Variants in CTU2 observed in about 807,000 individuals in gnomAD.
CTU2 encodes cytoplasmic tRNA 2-thiolation protein 2.
In CTU2, 80 loss-of-function variants were observed where a neutral mutation model predicts 64.1. That is an observed-to-expected ratio of 1.25 (90% confidence interval 1.04 to 1.50). The LOEUF (loss-of-function observed/expected upper bound fraction) is 1.50. Among genes scored for constraint, CTU2 ranks in the 40% most tolerant of loss-of-function variants. The pLI is 0.00. For synonymous variants in CTU2, 482 were observed against 285.3 expected, an observed-to-expected ratio of 1.69 and a Z score of -6.95; for missense variants, 1,110 against 690.2, an observed-to-expected ratio of 1.61 and a Z score of -6.81.
rs978343832 is a variant in CTU2, at chr16:88,710,110, G to A, written c.222+94G>A. The A allele has an allele frequency of 6.4e-6, 10 of 1,571,852 alleles. No individual in the cohort carries two copies. In the East Asian group the frequency reaches 1.3e-4, roughly 21 times the overall value. On this transcript the variant is annotated intron_variant, in intron 3 of 14. Transcript: ENST00000453996. ...CAGGCAGCCTGGCCTGCTGCAGCCC[G>A]CCAGCTCCTCCTTGGCCTTTGAGGA...
At position 88,713,751 on chromosome 16, in the gene CTU2, T is replaced by A. The variant is rs144354219; in HGVS notation, c.978T>A (p.Ser326=). ...AFYNRLFSVP[S]VFTPAVDTKA... is the part of the protein sequence containing the mutation. The stretch of plus-strand genomic sequence containing the variant: ...ACAACCGCCTGTTCTCCGTTCCTTC[T>A]GTCTTCACACCAGCCGTCGACACCA... The change falls in exon 9 of 15, where the codon TCT becomes TCA. Residue 326 remains serine, a synonymous_variant. Transcript: ENST00000453996. 83 of 1,612,696 alleles carry A rather than the reference T, an allele frequency of 5.1e-5. No homozygotes were observed. The African/African-American group carries it at 1.0e-3, about 19-fold the overall frequency.
At chr16:88,712,456 C>A in intron 6 of CTU2, 73 bp downstream of exon 6, 1 of 1,457,136 alleles carries the variant, frequency 6.9e-7, no homozygotes, top group Non-Finnish European at 9.3e-7. Flanking sequence ...CCCAGCCTCA[C>A]TGGCCTCTCC....
Position 88,715,347 on chromosome 16 carries a change from C to A in CTU2, c.*96C>A. On this transcript the variant is annotated 3_prime_UTR_variant, in exon 15 of 15. Coordinates refer to ENST00000453996, the MANE Select transcript of CTU2 (RefSeq NM_001012759.3). ...GGACGGGGGACTGGCCTCTGATTGTCCATTTGTATAAATAAAACATTTTTT... is the reference window on the plus strand; with the variant it reads ...GGACGGGGGACTGGCCTCTGATTGTACATTTGTATAAATAAAACATTTTTT... 1 of 1,289,626 alleles carries A rather than the reference C, an allele frequency of 7.8e-7. No individual in the cohort carries two copies. Among genetic ancestry groups the A allele is most frequent in the South Asian group, 1.3e-5 (1 of 74,826 alleles). The allele number at this position is 1,289,626 out of a possible 1,614,324, so 79.9% of individuals were successfully genotyped here. A position where few individuals can be genotyped will look rare whatever the true frequency, so the allele number is the denominator to read the frequency against.
chr16:88,711,196 G>A (rs1911291922), intron 4 of CTU2, among the ~76,000 whole-genome samples: 1 of 152,194 alleles, frequency 6.6e-6, no homozygotes, highest in South Asian at 2.1e-4. Flanking sequence ...AACTGGCCCA[G>A]CCCTCTGTGT....
rs550331299 is a variant in CTU2, at chr16:88,715,217, T to C, written c.1514T>C (p.Ile505Thr). Residue 505 changes from isoleucine to threonine, a missense_variant, in exon 15 of 15, where the codon ATT (isoleucine) becomes ACT (threonine). Physicochemically the swap from Ile to Thr is moderately conservative, Grantham distance 89 (BLOSUM62 -1). Transcript: ENST00000453996. ...WGLQEIRDCL[I>T]EDSDDEAGQS ...TTGCAGGAGATCCGGGACTGTCTGA[T>C]TGAGGACAGTGACGACGAGGCGGGC... is the stretch of plus-strand genomic sequence containing the variant. The C allele has an allele frequency of 2.6e-5, 42 of 1,612,328 alleles. No homozygotes were observed. The highest frequency in any genetic ancestry group is 3.0e-5 in the Non-Finnish European group (35 of 1,179,880).
At position 88,712,740 on chromosome 16, in the gene CTU2, G is replaced by A. The variant is rs745588126; in HGVS notation, c.572G>A (p.Gly191Glu). 6.2e-7 allele frequency: 1 copy of A among 1,609,186 alleles called. No homozygotes were observed. The highest frequency in any genetic ancestry group is 8.5e-7 in the Non-Finnish European group (1 of 1,178,736). Residue 191 changes from glycine (G) to glutamate (E), a missense_variant, in exon 7 of 15, where the codon GGG becomes GAG. Physicochemically the swap from Gly to Glu is moderately conservative, Grantham distance 98. Transcript: ENST00000453996. ...FLQQQHVLGA[G>E]GGPGPTQGEE... is the part of the protein sequence containing the mutation. ...CAGCAGCAGCATGTGCTGGGGGCCG[G>A]GGGTGGTCCTGGCCCGACTCAAGGG...
At position 88,715,388 on chromosome 16, in the gene CTU2, T is replaced by A; in HGVS notation, c.*137T>A. The A allele has an allele frequency of 9.5e-7, 1 of 1,048,826 alleles. No individual in the cohort carries two copies. Among genetic ancestry groups the A allele is most frequent in the Non-Finnish European group, 1.4e-6 (1 of 739,312 alleles). 65.0% of individuals were successfully genotyped at this position (1,048,826 alleles called of 1,614,324 possible). On this transcript the variant is annotated 3_prime_UTR_variant, in exon 15 of 15. Transcript: ENST00000453996. ...AACATTTTTTAATTAAAAAAAAAACTCTACAGTACACGTGGGGGACGGCAG... is the reference window on the plus strand; with the variant it reads ...AACATTTTTTAATTAAAAAAAAAACACTACAGTACACGTGGGGGACGGCAG...
chr16:88,715,131 C>T (rs369895707), intron 14 of CTU2, 25 bp downstream of exon 14: 293 of 1,603,412 alleles, frequency 1.8e-4, no homozygotes, highest in Non-Finnish European at 2.2e-4. Flanking sequence ...ACTGCCGTGG[C>T]GCGTGGGTAA....
At chr16:88,709,113 A>G (rs1051518239) in intron 2 of CTU2, 1 of 152,226 alleles carries the variant, frequency 6.6e-6, no homozygotes, top group African/African-American at 2.4e-5. Flanking sequence ...TGTCTCTACA[A>G]AAAATACAAC....
intron 9 of CTU2, 92 bp from the exon 10 acceptor site, chr16:88,714,044 C>T (rs760164445): frequency 8.0e-5 from 102 of 1,282,816 alleles, no homozygotes; most frequent in East Asian, 2.1e-4. Context: ...GGGCCAGCAG[C>T]GTGGAACCCA....
intron 9 of CTU2, 137 bp from the exon 10 acceptor site, chr16:88,713,999 T>A: frequency 9.5e-7 from 1 of 1,057,250 alleles, no homozygotes; most frequent in East Asian, 2.4e-5. Context: ...GTTCTCTGGC[T>A]GCCTTGAGCA....
chr16:88,707,977 A>G (rs1379130224), intron 2 of CTU2, among the ~76,000 whole-genome samples: 7 of 151,840 alleles, frequency 4.6e-5, no homozygotes, highest in Admixed American at 6.6e-5. Flanking sequence ...TGCCCGGCCA[A>G]TTGTTTTTGT....
chr16:88,715,029 A>G lies in CTU2; in HGVS notation c.1420-19A>G. The G allele has an allele frequency of 6.3e-7, 1 of 1,578,496 alleles. No individual in the cohort carries two copies. ...TGCTGGCAGGTTTCTTGGCCCCTCGACACCGGCCTCTGTTGCAGCCCTCAC... is the reference window on the plus strand; with the variant it reads ...TGCTGGCAGGTTTCTTGGCCCCTCGGCACCGGCCTCTGTTGCAGCCCTCAC... On this transcript the variant is annotated intron_variant, in intron 13 of 14. Coordinates refer to ENST00000453996, the MANE Select transcript of CTU2 (RefSeq NM_001012759.3).
At position 88,706,524 on chromosome 16, in the gene CTU2, C is replaced by T. The variant is rs1467752086; in HGVS notation, c.-7C>T. 5.6e-6 allele frequency: 8 copies of T among 1,440,698 alleles called. No homozygotes were observed. The highest frequency in any genetic ancestry group is 1.4e-5 in the South Asian group (1 of 73,444). 89.2% of individuals were successfully genotyped at this position (1,440,698 alleles called of 1,614,324 possible). On this transcript the variant is annotated 5_prime_UTR_variant, in exon 1 of 15. Coordinates refer to ENST00000453996, the MANE Select transcript of CTU2 (RefSeq NM_001012759.3). Reference sequence around the variant, plus strand: ...CGCCACAGTCTGCGACGGGACCCGGCGTGCCCATGTGTCAGGTGGGCGAGG... The same window carrying T: ...CGCCACAGTCTGCGACGGGACCCGGTGTGCCCATGTGTCAGGTGGGCGAGG...
At chr16:88,712,048 C>A (rs1190771183) in intron 5 of CTU2, 1 of 677,448 alleles carries the variant, frequency 1.5e-6, no homozygotes, top group Admixed American at 2.1e-5. Flanking sequence ...CTCCCCGACC[C>A]TTGCTCCTGC....
rs1333125464 is a variant in CTU2, at chr16:88,713,798, C to T, written c.1005+20C>T. 6.2e-7 allele frequency: 1 copy of T among 1,611,078 alleles called. No individual in the cohort carries two copies. The highest frequency in any genetic ancestry group is 8.5e-7 in the Non-Finnish European group (1 of 1,178,658). On this transcript the variant is annotated intron_variant, in intron 9 of 14. Coordinates refer to ENST00000453996, the MANE Select transcript of CTU2 (RefSeq NM_001012759.3). ...ACCAAGGTGGGCCTTGTGGGCTGGGCAACCTCTCTCACCATTGACACCGGG... is the reference window on the plus strand; with the variant it reads ...ACCAAGGTGGGCCTTGTGGGCTGGGTAACCTCTCTCACCATTGACACCGGG...
In CTU2 at chr16:88,707,276, C is replaced by A; in HGVS notation, c.143+66C>A. ...TCGCTAGCAGACAGGATAGCCGCAACTTGTGATGCTTTGTTAATTCTTTTT... is the reference window on the plus strand; with the variant it reads ...TCGCTAGCAGACAGGATAGCCGCAAATTGTGATGCTTTGTTAATTCTTTTT... On this transcript the variant is annotated intron_variant, in intron 2 of 14. Transcript: ENST00000453996. 2.2e-6 allele frequency: 3 copies of A among 1,370,466 alleles called. No homozygotes were observed. The South Asian group carries it at 3.5e-5, about 16-fold the overall frequency. The allele number at this position is 1,370,466 out of a possible 1,614,324, so 84.9% of individuals were successfully genotyped here. A position where few individuals can be genotyped will look rare whatever the true frequency, so the allele number is the denominator to read the frequency against.
chr16:88,714,704 GGGCCCAGCGCTGT>G lies in CTU2; in HGVS notation c.1324_1336del (p.Gln442ArgfsTer23). The G allele has an allele frequency of 6.2e-7, 1 of 1,610,962 alleles. No homozygotes were observed. Among genetic ancestry groups the G allele is most frequent in the African/African-American group, 1.3e-5 (1 of 75,008 alleles). ...CCCTGCTGTTCTCCAGGGGTGGGCT[GGGCCCAGCGCTGT>G]GGCCAGGGGGCCTGCAGGAGGTGAG... On this transcript the variant is annotated frameshift_variant, in exon 12 of 15. Transcript: ENST00000453996. LOFTEE classifies it high-confidence loss of function.
At chr16:88,712,108 G>C (rs1278746969) in intron 5 of CTU2, 166 bp from the exon 6 acceptor site, 1 of 725,586 alleles carries the variant, frequency 1.4e-6, no homozygotes, top group Admixed American at 2.0e-5. Flanking sequence ...AGCCGCAAGA[G>C]AGAAACCCCT....
Sources: gnomAD v4.1 joint callset for allele counts (sites outside exome capture counted in the v4.1 genomes callset) on GRCh38, gnomAD v4.1.1 for gene constraint, MANE v1.5 for transcripts, NCBI Gene and HGNC (gene_info 2026-07-23, HGNC 2026-07-21) for gene names.